RPS6KA2: variants seen among roughly 807,000 people sequenced by gnomAD.
RPS6KA2 encodes ribosomal protein S6 kinase A2, also known as ribosomal protein S6 kinase alpha-2.
In RPS6KA2, 42 loss-of-function variants were observed where a neutral mutation model predicts 91.8. The ratio of observed to expected loss-of-function variants is 0.46; its 90% CI spans 0.36 to 0.59. The LOEUF (loss-of-function observed/expected upper bound fraction) is 0.59. Among genes scored for constraint, RPS6KA2 ranks in the 20% least tolerant of loss-of-function variants. The pLI is 0.00. For synonymous variants in RPS6KA2, 414 were observed against 393.6 expected, an observed-to-expected ratio of 1.05 and a Z score of -0.61; for missense variants, 798 against 978.5, an observed-to-expected ratio of 0.82 and a Z score of 2.46.
At chr6:166,655,738 T>C (rs190824586) in intron 2 of RPS6KA2, among the ~76,000 whole-genome samples, 75 of 152,304 alleles carry the variant, frequency 4.9e-4, no homozygotes, top group African/African-American at 1.8e-3. Flanking sequence ...TGGAAACACA[T>C]GAAGCAGCCA....
intron 2 of RPS6KA2, among the ~76,000 whole-genome samples, chr6:166,636,568 CCTT>C (rs1479879747): frequency 6.6e-6 from 1 of 152,208 alleles, no homozygotes. Flanking sequence ...TCCTCTTCCT[CCTT>C]CTCCTTCATC....
At chr6:166,827,256 C>CAAAAAAAAAAAAAAAAAAAAAA (rs56296433) in intron 2 of RPS6KA2, among the ~76,000 whole-genome samples, 1 of 94,478 alleles carries the variant, frequency 1.1e-5, no homozygotes, top group Non-Finnish European at 2.0e-5. Context: ...CAACCTTATA[C>CAAAAAAAAAAAAAAAAAAAAAA]AAAAAAAAAA....
intron 2 of RPS6KA2, among the ~76,000 whole-genome samples, chr6:166,704,211 C>T (rs1213717215): frequency 6.6e-6 from 1 of 152,174 alleles, no homozygotes; most frequent in Non-Finnish European, 1.5e-5. Context: ...TAAAATGAAA[C>T]AGCAATCTGT....
chr6:166,789,595 T>A (rs1187730902), intron 2 of RPS6KA2, among the ~76,000 whole-genome samples: 1 of 152,176 alleles, frequency 6.6e-6, no homozygotes, highest in African/African-American at 2.4e-5. Context: ...CCGAGCAGCT[T>A]AACTGGGAGA....
chr6:166,723,699 C>CTTTTTTTT (rs10637819), intron 2 of RPS6KA2, among the ~76,000 whole-genome samples: 23 of 146,290 alleles, frequency 1.6e-4, no homozygotes, highest in African/African-American at 5.6e-4. Context: ...TTTTTCTTTT[C>CTTTTTTTT]TTTTCTTTTT....
chr6:166,432,264 G>T, intron 15 of RPS6KA2, 137 bp downstream of exon 15: 1 of 648,446 alleles, frequency 1.5e-6, no homozygotes, highest in South Asian at 1.8e-5. Flanking sequence ...AGCTCCAAGT[G>T]ACTGAGATAT....
intron 5 of RPS6KA2, among the ~76,000 whole-genome samples, chr6:166,507,513 C>G (rs961065522): frequency 6.6e-6 from 1 of 151,240 alleles, no homozygotes; most frequent in African/African-American, 2.4e-5. Flanking sequence ...CCACACCACA[C>G]AAAGCACATA....
intron 1 of RPS6KA2, among the ~76,000 whole-genome samples, chr6:166,582,019 G>T (rs893330354): frequency 2.9e-3 from 285 of 98,480 alleles, no homozygotes; most frequent in East Asian, 5.1e-3. Flanking sequence ...GTGAGATGGG[G>T]TGGGACGTCC....
At chr6:166,552,257 C>T (rs896317035) in intron 1 of RPS6KA2, among the ~76,000 whole-genome samples, 2 of 152,262 alleles carry the variant, frequency 1.3e-5, no homozygotes, top group Non-Finnish European at 2.9e-5. Context: ...TCCCCTCCTA[C>T]CTCGCAAAGC....
chr6:166,744,375 C>T (rs1036604554), intron 2 of RPS6KA2, among the ~76,000 whole-genome samples: 13 of 152,226 alleles, frequency 8.5e-5, no homozygotes, highest in Admixed American at 4.6e-4. Context: ...AGACCTGAGA[C>T]GCGGCCCCGG....
Position 166,786,847 on chromosome 6 carries a change from A to G in RPS6KA2, c.123+71353T>C, listed in dbSNP as rs144289867. Among the ~76,000 whole-genome samples the G allele has an allele frequency of 1.6e-4, 25 of 152,288 alleles. No homozygotes were observed. The East Asian group carries it at 4.6e-3, about 28-fold the overall frequency. On this transcript the variant is annotated intron_variant, in intron 2 of 21. Coordinates refer to the RPS6KA2 transcript ENST00000503859. The stretch of plus-strand genomic sequence containing the variant: ...TACTTTCATCAGTAGAGTAATATAT[A>G]TAATTCCAGTTCCACATTTTTGATC...
At chr6:166,439,893 T>G (rs1336316855) in intron 14 of RPS6KA2, 1 of 152,412 alleles carries the variant, frequency 6.6e-6, no homozygotes, top group East Asian at 1.9e-4. Flanking sequence ...CCTGCAAGCC[T>G]GACACAGCTG....
chr6:166,487,334 C>G (rs992143531), intron 10 of RPS6KA2, among the ~76,000 whole-genome samples: 5 of 152,120 alleles, frequency 3.3e-5, no homozygotes, highest in African/African-American at 9.7e-5. Context: ...ACGGGGAGCT[C>G]ACCGTGTCAC....
intron 1 of RPS6KA2, among the ~76,000 whole-genome samples, chr6:166,568,364 A>C (rs1186314302): frequency 1.3e-5 from 2 of 152,196 alleles, no homozygotes; most frequent in African/African-American, 2.4e-5. Flanking sequence ...CTATTATCCC[A>C]GCACTTTGGG....
chr6:166,631,155 A>G (rs1218089962), upstream of RPS6KA2, among the ~76,000 whole-genome samples: 1 of 152,240 alleles, frequency 6.6e-6, no homozygotes, highest in African/African-American at 2.4e-5. Flanking sequence ...GAGCATATCG[A>G]AAATTTAAAA....
In RPS6KA2 at chr6:166,791,875, G is replaced by T. The variant is rs550387521; in HGVS notation, c.123+66325C>A. Among the ~76,000 whole-genome samples, 1,236 of 150,380 alleles carry T rather than the reference G, an allele frequency of 8.2e-3. 22 individuals are homozygous for T. The highest frequency in any genetic ancestry group is 0.03 in the African/African-American group (1,174 of 39,794). The stretch of plus-strand genomic sequence containing the variant: ...GGACACATTCAAAGCAGTGTGTAGA[G>T]GGAAATTTATAGTACTAAATGCCCA... On this transcript the variant is annotated intron_variant, in intron 2 of 21. Coordinates refer to the RPS6KA2 transcript ENST00000503859.
At position 166,701,349 on chromosome 6, in the gene RPS6KA2, G is replaced by A. The variant is rs570921221; in HGVS notation, c.123+156851C>T. 59 of 1,515,540 alleles carry A rather than the reference G, an allele frequency of 3.9e-5. No homozygotes were observed. In the South Asian group the frequency reaches 6.3e-4, roughly 16 times the overall value. The allele number at this position is 1,515,540 out of a possible 1,614,324, so 93.9% of individuals were successfully genotyped here. ...CAGTAACTGCCAGCAGCAAAGGATG[G>A]CACTCTGATATGAGCTTCAAGTTTC... On this transcript the variant is annotated intron_variant, in intron 2 of 21. Coordinates refer to the RPS6KA2 transcript ENST00000503859.
chr6:166,647,941 TACAC>T (rs202243900), intron 2 of RPS6KA2, among the ~76,000 whole-genome samples: 1 of 99,848 alleles, frequency 1.0e-5, no homozygotes, highest in Non-Finnish European at 2.1e-5. Context: ...CACATGCTCA[TACAC>T]ACACATGCAC....
At position 166,862,197 on chromosome 6, in the gene RPS6KA2, G is replaced by A. The variant is rs763388826; in HGVS notation, c.-27C>T. On this transcript the variant is annotated 5_prime_UTR_variant, in exon 1 of 22. Coordinates refer to the RPS6KA2 transcript ENST00000503859. Reference sequence around the variant, plus strand: ...TTTAAACTTTCCTTTTCTGCTGGTCGAGTATTGATAGTAGGAAAGGAAATA... The same window carrying A: ...TTTAAACTTTCCTTTTCTGCTGGTCAAGTATTGATAGTAGGAAAGGAAATA... 24 of 1,613,828 alleles carry A rather than the reference G, an allele frequency of 1.5e-5. No homozygotes were observed. The East Asian group carries it at 5.1e-4, about 34-fold the overall frequency.
Sources: allele counts gnomAD v4.1 joint callset (sites outside exome capture counted in the v4.1 genomes callset), GRCh38; gene constraint gnomAD v4.1.1; transcripts MANE v1.5; gene names NCBI Gene and HGNC (gene_info 2026-07-23, HGNC 2026-07-21).